TAF1A: variants seen among roughly 807,000 people sequenced by gnomAD.
TAF1A encodes TATA-box binding protein associated factor, RNA polymerase I subunit A, also known as TATA box-binding protein-associated factor RNA polymerase I subunit A.
In TAF1A, 42 loss-of-function variants were observed where a neutral mutation model predicts 61.6. The observed-to-expected ratio is 0.68, with a 90% CI of 0.53 to 0.88. TAF1A has a LOEUF of 0.88. Among genes scored for constraint, TAF1A ranks in the 40% least tolerant of loss-of-function variants. TAF1A has a pLI of 0.00. For synonymous variants in TAF1A, 179 were observed against 177.7 expected (o/e 1.01, Z -0.06); for missense variants, 424 against 518.7 (o/e 0.82, Z 1.77).
chr1:222,575,368 A>T (rs3002125), intron 5 of TAF1A, among the ~76,000 whole-genome samples: 151,007 of 151,774 alleles, frequency 0.99, 75,127 homozygotes, highest in Middle Eastern at 1. Flanking sequence ...AAAAAAAAAA[A>T]TTGATGGTGC....
At chr1:222,570,199 T>G (rs1460952107) in intron 6 of TAF1A, among the ~76,000 whole-genome samples, 1 of 152,210 alleles carries the variant, frequency 6.6e-6, no homozygotes, top group African/African-American at 2.4e-5. Context: ...TCACCTCATA[T>G]AGTATGACCC....
rs946528967 is a variant in TAF1A, at chr1:222,569,801, G to C, written c.736-133C>G. The C allele has an allele frequency of 6.4e-6, 5 of 785,246 alleles. No homozygotes were observed. In the Admixed American group the frequency reaches 1.6e-4, roughly 25 times the overall value. 48.6% of individuals were successfully genotyped at this position (785,246 alleles called of 1,614,324 possible). On this transcript the variant is annotated intron_variant, in intron 6 of 10. Coordinates refer to ENST00000352967, the MANE Select transcript of TAF1A (RefSeq NM_005681.4). ...CTGACAGGGTTCCCATTTTTTCCCT[G>C]TATTTTGTTACTACTAATAAACAAT...
At chr1:222,574,688 T>C (rs1660496731) in intron 5 of TAF1A, among the ~76,000 whole-genome samples, 1 of 152,204 alleles carries the variant, frequency 6.6e-6, no homozygotes, top group Admixed American at 6.5e-5. Flanking sequence ...ACATGTATTA[T>C]CTTAAAACTG....
downstream of TAF1A, among the ~76,000 whole-genome samples, chr1:222,556,607 A>G (rs141436528): frequency 6.6e-6 from 1 of 152,358 alleles, no homozygotes; most frequent in East Asian, 1.9e-4. Context: ...ACTGTTATTC[A>G]TGGAAGCAGC....
Position 222,561,418 on chromosome 1 carries a change from C to A in TAF1A, c.1186G>T (p.Asp396Tyr). 1.2e-6 allele frequency: 2 copies of A among 1,612,972 alleles called. No homozygotes were observed. Among genetic ancestry groups the A allele is most frequent in the Non-Finnish European group, 1.7e-6 (2 of 1,179,456 alleles). ...GCTTTCTCACAGGCCAAAGCTGTATCTTCCTTCCAATCACTTTTTGCCCAA... is the reference window on the plus strand; with the variant it reads ...GCTTTCTCACAGGCCAAAGCTGTATATTCCTTCCAATCACTTTTTGCCCAA... ...YFWAKSDWKEDTALACEKAFV... is the reference protein window; with the variant it reads ...YFWAKSDWKEYTALACEKAFV... Residue 396 changes from aspartate (D) to tyrosine (Y), a missense_variant, in exon 10 of 11, where the codon GAT becomes TAT. Physicochemically the swap from Asp to Tyr is radical, Grantham distance 160. Coordinates refer to ENST00000352967, the MANE Select transcript of TAF1A (RefSeq NM_005681.4).
chr1:222,588,619 C>T, intron 1 of TAF1A, 54 bp from the exon 2 acceptor site: 2 of 1,557,930 alleles, frequency 1.3e-6, no homozygotes, highest in Non-Finnish European at 1.7e-6. Flanking sequence ...CCACAGTCTT[C>T]TGAGTTGTAC....
At chr1:222,573,533 C>G (rs2102657760) in intron 5 of TAF1A, among the ~76,000 whole-genome samples, 1 of 152,160 alleles carries the variant, frequency 6.6e-6, no homozygotes, top group South Asian at 2.1e-4. Flanking sequence ...CAGGAAAATG[C>G]AAATCAAAAC....
Position 222,579,457 on chromosome 1 carries a change from C to T in TAF1A, c.405+302G>A, listed in dbSNP as rs79409447. On this transcript the variant is annotated intron_variant, in intron 4 of 10. Coordinates refer to ENST00000352967, the MANE Select transcript of TAF1A (RefSeq NM_005681.4). ...AAACACCAACTCTAAGCTCAAGTGACTTCAGCAAACATTTTAGAATCTGGC... is the reference window on the plus strand; with the variant it reads ...AAACACCAACTCTAAGCTCAAGTGATTTCAGCAAACATTTTAGAATCTGGC... Among the ~76,000 whole-genome samples the T allele has an allele frequency of 3.3e-5, 5 of 152,312 alleles. No individual in the cohort carries two copies. In the East Asian group the frequency reaches 9.6e-4, roughly 29 times the overall value.
Position 222,588,504 on chromosome 1 carries a change from T to A in TAF1A, c.60A>T (p.Thr20=), listed in dbSNP as rs1467452484. The A allele has an allele frequency of 6.2e-7, 1 of 1,614,162 alleles. No individual in the cohort carries two copies. The highest frequency in any genetic ancestry group is 1.3e-5 in the African/African-American group (1 of 75,082). Residue 20 remains threonine (T), a synonymous_variant, in exon 2 of 11, where the codon ACA becomes ACT. Coordinates refer to ENST00000352967, the MANE Select transcript of TAF1A (RefSeq NM_005681.4). ...GCATTCCTGCACCACTGAGCACAGATGTTTCCACTTCTTCATCATCTGTCA... is the reference window on the plus strand; with the variant it reads ...GCATTCCTGCACCACTGAGCACAGAAGTTTCCACTTCTTCATCATCTGTCA... ...GPVTDDEEVE[T]SVLSGAGMHF... is the part of the protein sequence containing the mutation.
Position 222,570,632 on chromosome 1 carries a change from T to C in TAF1A, c.638A>G (p.Gln213Arg), listed in dbSNP as rs1224198379. 1.2e-6 allele frequency: 2 copies of C among 1,611,954 alleles called. No homozygotes were observed. Among genetic ancestry groups the C allele is most frequent in the African/African-American group, 1.3e-5 (1 of 75,010 alleles). Residue 213 changes from glutamine (Q) to arginine (R), a missense_variant, in exon 6 of 11, where the codon CAG becomes CGG. Physicochemically the swap from Gln to Arg is conservative, Grantham distance 43 (BLOSUM62 1). Transcript: ENST00000352967. ...KDDYAYNAVA[Q>R]DVFNHSWKTS... is the part of the protein sequence containing the mutation. ...CTTCCAGCTGTGGTTGAACACATCC[T>C]GGGCTACTGCATTGTAAGCATAATC...
chr1:222,583,354 T>C (rs949115411), intron 3 of TAF1A, among the ~76,000 whole-genome samples: 2 of 151,338 alleles, frequency 1.3e-5, no homozygotes, highest in Admixed American at 6.6e-5. Flanking sequence ...CACAACTCTG[T>C]AAATGTATGA....
chr1:222,576,895 T>C (rs1389841368), intron 5 of TAF1A, among the ~76,000 whole-genome samples: 1 of 152,220 alleles, frequency 6.6e-6, no homozygotes, highest in Non-Finnish European at 1.5e-5. Context: ...AGCTCTCTTC[T>C]GGACTAGGCC....
At chr1:222,563,550 A>G (rs188147247) in intron 8 of TAF1A, among the ~76,000 whole-genome samples, 4 of 152,152 alleles carry the variant, frequency 2.6e-5, no homozygotes, top group East Asian at 1.9e-4. Context: ...TATGGGTTAC[A>G]CTCCTCTACT....
chr1:222,564,749 T>C (rs779909049), intron 7 of TAF1A, among the ~76,000 whole-genome samples: 1 of 152,248 alleles, frequency 6.6e-6, no homozygotes, highest in Non-Finnish European at 1.5e-5. Context: ...TTCATTTTAA[T>C]ACATTTAATA....
At chr1:222,581,963 T>C (rs1300527838) in intron 3 of TAF1A, among the ~76,000 whole-genome samples, 1 of 152,226 alleles carries the variant, frequency 6.6e-6, no homozygotes, top group Non-Finnish European at 1.5e-5. Flanking sequence ...AGACTGGGGA[T>C]AGGACCAAAG....
chr1:222,578,164 G>T (rs1660645901), intron 4 of TAF1A, among the ~76,000 whole-genome samples: 2 of 152,178 alleles, frequency 1.3e-5, no homozygotes. Context: ...CTTCAGTTCA[G>T]ATGGAGAGGA....
chr1:222,571,531 G>A (rs577645250), intron 5 of TAF1A, among the ~76,000 whole-genome samples: 2 of 152,022 alleles, frequency 1.3e-5, no homozygotes, highest in East Asian at 3.9e-4. Context: ...GTTCACAAAG[G>A]TTGCAGAGTA....
intron 4 of TAF1A, among the ~76,000 whole-genome samples, chr1:222,578,495 C>A (rs936703168): frequency 2.0e-5 from 3 of 152,218 alleles, no homozygotes; most frequent in Non-Finnish European, 1.5e-5. Context: ...AACTTCTACC[C>A]AAGTGATTTT....
intron 7 of TAF1A, among the ~76,000 whole-genome samples, chr1:222,566,329 C>T (rs2102644582): frequency 6.6e-6 from 1 of 152,248 alleles, no homozygotes; most frequent in Middle Eastern, 3.4e-3. Flanking sequence ...GGCACCAGGT[C>T]CTGGTTTCGT....
Sources: allele counts gnomAD v4.1 joint callset (sites outside exome capture counted in the v4.1 genomes callset), GRCh38; gene constraint gnomAD v4.1.1; transcripts MANE v1.5; gene names NCBI Gene and HGNC (gene_info 2026-07-23, HGNC 2026-07-21).